The following KDM4A variants were observed in gnomAD, a reference collection of about 807,000 sequenced individuals.
The protein encoded by KDM4A is lysine-specific demethylase 4A.
KDM4A carries 23 observed loss-of-function variants against 127.1 expected under a neutral mutation model. The ratio of observed to expected loss-of-function variants is 0.18; its 90% confidence interval spans 0.13 to 0.26. The LOEUF (loss-of-function observed/expected upper bound fraction) is 0.26, where lower values mean the gene tolerates loss of function less well. Ranked by LOEUF, KDM4A falls within the 10% of genes least tolerant of loss-of-function variation. The pLI is 1.00. For missense variants in KDM4A, 890 were observed against 1,329.1 expected (o/e 0.67, Z 5.14); for synonymous variants, 443 against 466.5 (o/e 0.95, Z 0.65).
intron 19 of KDM4A, 106 bp downstream of exon 19, chr1:43,698,119 G>A (rs919840522): frequency 1.8e-5 from 19 of 1,061,712 alleles, no homozygotes; most frequent in Non-Finnish European, 2.7e-6. Flanking sequence ...CCAGGTCCCT[G>A]GTCCCATCAC....
intron 11 of KDM4A, among the ~76,000 whole-genome samples, chr1:43,680,867 T>C (rs952291871): frequency 2.6e-5 from 4 of 152,222 alleles, no homozygotes; most frequent in Non-Finnish European, 5.9e-5. Flanking sequence ...TTAATTCTCC[T>C]TTACCATGTT....
intron 6 of KDM4A, chr1:43,666,158 T>C (rs1660498085): frequency 2.5e-6 from 1 of 395,686 alleles, no homozygotes; most frequent in Admixed American, 4.2e-5. Context: ...GGGATACAAG[T>C]GACTGGAGAA....
intron 3 of KDM4A, among the ~76,000 whole-genome samples, chr1:43,656,688 A>G (rs1234005205): frequency 1.3e-5 from 2 of 150,966 alleles, no homozygotes; most frequent in African/African-American, 4.9e-5. Flanking sequence ...AGATTCACAG[A>G]GAATAAATTT....
chr1:43,699,287 C>G (rs76697029), intron 19 of KDM4A, among the ~76,000 whole-genome samples: 5,521 of 152,054 alleles, frequency 0.036, 357 homozygotes, highest in African/African-American at 0.13. Flanking sequence ...GTAGTAACAA[C>G]GGTCTTGCTT....
intron 12 of KDM4A, among the ~76,000 whole-genome samples, chr1:43,685,539 C>T (rs992114318): frequency 4.6e-5 from 7 of 151,650 alleles, no homozygotes; most frequent in Non-Finnish European, 8.8e-5. Context: ...GAGGCCGAGG[C>T]GGGTGGATCA....
At chr1:43,656,837 T>C (rs1660253984) in intron 3 of KDM4A, among the ~76,000 whole-genome samples, 1 of 151,910 alleles carries the variant, frequency 6.6e-6, no homozygotes, top group African/African-American at 2.4e-5. Flanking sequence ...GCAATTCTCC[T>C]GTCTCAGCCT....
rs1345384181 is a variant in KDM4A, at chr1:43,691,027, G to C, written c.2220G>C (p.Lys740Asn). 6.2e-7 allele frequency: 1 copy of C among 1,614,076 alleles called. No individual in the cohort carries two copies. The highest frequency in any genetic ancestry group is 2.2e-5 in the East Asian group (1 of 44,892). Reference protein sequence around the residue: ...DGTSILVSCKKCSVRVHASCY... With the variant: ...DGTSILVSCKNCSVRVHASCY... Reference sequence around the variant, plus strand: ...CCAGCATACTCGTTTCCTGCAAGAAGTGCAGCGTCCGGGTCCATGCCAGTG... The same window carrying C: ...CCAGCATACTCGTTTCCTGCAAGAACTGCAGCGTCCGGGTCCATGCCAGTG... The change falls in exon 14 of 22, where the codon AAG becomes AAC. Residue 740 changes from lysine (K) to asparagine (N), a missense_variant. Lys to Asn is a moderately conservative substitution (Grantham distance 94). Transcript: ENST00000372396.
intron 11 of KDM4A, among the ~76,000 whole-genome samples, chr1:43,683,141 A>G (rs1317820328): frequency 6.6e-6 from 1 of 152,272 alleles, no homozygotes; most frequent in African/African-American, 2.4e-5. Context: ...AGGAATGAAC[A>G]GTATCTGCTA....
chr1:43,681,167 G>GT (rs1557913769), intron 11 of KDM4A, among the ~76,000 whole-genome samples: 1 of 151,948 alleles, frequency 6.6e-6, no homozygotes, highest in Admixed American at 6.6e-5. Context: ...ATAGCTCCCC[G>GT]TTGCTGAGTG....
rs181837189 is a variant in KDM4A, at chr1:43,703,931, C to T, written c.2962-89C>T. On this transcript the variant is annotated intron_variant, in intron 20 of 21. Coordinates refer to ENST00000372396, the MANE Select transcript of KDM4A (RefSeq NM_014663.3). ...GTTATTTTAGTGTTCTAACTCCTTCCTTTGACTGTAGGGGACTGCCACTGT... is the reference window on the plus strand; with the variant it reads ...GTTATTTTAGTGTTCTAACTCCTTCTTTTGACTGTAGGGGACTGCCACTGT... The T allele has an allele frequency of 1.5e-3, 2,080 of 1,351,070 alleles. 19 individuals are homozygous for T. The highest frequency in any genetic ancestry group is 0.013 in the Middle Eastern group (72 of 5,462). The allele number at this position is 1,351,070 out of a possible 1,614,324, so 83.7% of individuals were successfully genotyped here.
intron 4 of KDM4A, among the ~76,000 whole-genome samples, chr1:43,662,145 C>A (rs1660397054): frequency 6.6e-6 from 1 of 152,094 alleles, no homozygotes; most frequent in African/African-American, 2.4e-5. Flanking sequence ...TCAAGCAATC[C>A]TGCCTTGGCC....
rs1661285178 is a variant in KDM4A, at chr1:43,698,010, A to T, written c.2838A>T (p.Ile946=). Residue 946 remains isoleucine (I), a synonymous_variant, in exon 19 of 22, where the codon ATA becomes ATT. Transcript: ENST00000372396. ...GCGACAATCTTTATCCTGAGGACAT[A>T]GTGGTAATATCTGCAAGGAGCTTCT... ...SFSDNLYPED[I]VSQDCLQFGP... is the part of the protein sequence containing the mutation. 6.2e-7 allele frequency: 1 copy of T among 1,612,256 alleles called. No individual in the cohort carries two copies. Among genetic ancestry groups the T allele is most frequent in the Admixed American group, 1.7e-5 (1 of 59,586 alleles).
intron 19 of KDM4A, among the ~76,000 whole-genome samples, chr1:43,699,288 G>C (rs996136026): frequency 6.6e-6 from 1 of 152,036 alleles, no homozygotes; most frequent in Non-Finnish European, 1.5e-5. Flanking sequence ...TAGTAACAAC[G>C]GTCTTGCTTT....
chr1:43,695,504 A>G (rs1332507107), intron 18 of KDM4A, among the ~76,000 whole-genome samples: 3 of 152,162 alleles, frequency 2.0e-5, no homozygotes, highest in Admixed American at 1.3e-4. Context: ...TGGTTATGGG[A>G]GTGTGACGGT....
chr1:43,704,712 C>T lies in KDM4A; in HGVS notation c.*342C>T. On this transcript the variant is annotated 3_prime_UTR_variant, in exon 22 of 22. Coordinates refer to ENST00000372396, the MANE Select transcript of KDM4A (RefSeq NM_014663.3). ...TAGGACTTAGCTTCATAACTATCAC[C>T]TGCACCGACTAGGCTGAGGTGCTGG... 3.4e-6 allele frequency: 1 copy of T among 295,722 alleles called. No homozygotes were observed. The highest frequency in any genetic ancestry group is 6.4e-6 in the Non-Finnish European group (1 of 157,236). 18.3% of individuals were successfully genotyped at this position (295,722 alleles called of 1,614,324 possible). A position where few individuals can be genotyped will look rare whatever the true frequency, so the allele number is the denominator to read the frequency against.
Position 43,703,612 on chromosome 1 carries a change from C to T in KDM4A, c.2842-5C>T. On this transcript the variant is annotated splice_polypyrimidine_tract_variant and splice_region_variant and intron_variant, in intron 19 of 21. Coordinates refer to ENST00000372396, the MANE Select transcript of KDM4A (RefSeq NM_014663.3). ...TTTCACCCTCCTTCCTTCCTGTTTC[C>T]TCAGAGCCAGGACTGTCTCCAGTTT... The T allele has an allele frequency of 6.2e-7, 1 of 1,613,744 alleles. No individual in the cohort carries two copies. The highest frequency in any genetic ancestry group is 8.5e-7 in the Non-Finnish European group (1 of 1,179,866).
intron 6 of KDM4A, 37 bp downstream of exon 6, chr1:43,665,782 C>G (rs1660488146): frequency 6.2e-7 from 1 of 1,607,650 alleles, no homozygotes. Context: ...TTGGACCCTC[C>G]TATGAGCTGT....
intron 11 of KDM4A, among the ~76,000 whole-genome samples, 181 bp downstream of exon 11, chr1:43,672,056 GCATTCACTCTCCCAGCTTGTTC>G (rs1660631983): frequency 6.6e-6 from 1 of 152,174 alleles, no homozygotes; most frequent in African/African-American, 2.4e-5. Context: ...GCCTGGGGTG[GCATTCACTCTCCCAGCTTGTTC>G]TTTGCTGGGA....
At chr1:43,698,052 G>C in intron 19 of KDM4A, 39 bp downstream of exon 19, 2 of 1,596,716 alleles carry the variant, frequency 1.3e-6, no homozygotes, top group South Asian at 2.2e-5. Context: ...GTTTGGAATG[G>C]GGGGATGTTT....
Sources: gnomAD v4.1 joint callset for allele counts (sites outside exome capture counted in the v4.1 genomes callset) on GRCh38, gnomAD v4.1.1 for gene constraint, MANE v1.5 for transcripts, NCBI Gene and HGNC (gene_info 2026-07-23, HGNC 2026-07-21) for gene names.